The following PARD3B variants were observed in gnomAD, a reference collection of about 807,000 sequenced individuals.
The protein encoded by PARD3B is par-3 family cell polarity regulator beta.
PARD3B carries 103 observed loss-of-function variants against 130.2 expected under a neutral mutation model. That is an observed-to-expected ratio of 0.79 (90% CI 0.67 to 0.93). PARD3B has a LOEUF of 0.93. Among genes scored for constraint, PARD3B ranks in the 40% least tolerant of loss-of-function variants. The pLI is 0.00. For missense variants in PARD3B, 1,609 were observed against 1,499.2 expected (o/e 1.07, Z -1.21); for synonymous variants, 583 against 553.2 (o/e 1.05, Z -0.76).
chr2:205,083,595 G>A lies in PARD3B; in HGVS notation c.505-20831G>A, dbSNP rs1701565219. 1.3e-5 allele frequency among the ~76,000 whole-genome samples: 2 copies of A among 150,068 alleles called. 1 individual carries two copies. Among genetic ancestry groups the A allele is most frequent in the Admixed American group, 1.3e-4 (2 of 15,128 alleles). On this transcript the variant is annotated intron_variant, in intron 4 of 22. Coordinates refer to ENST00000406610, the MANE Select transcript of PARD3B (RefSeq NM_001302769.2). ...AGTCTTACCATTGACTTTTCTGTTT[G>A]ATTCTTCTTTTTTTTTTTAGTTTTA...
intron 1 of PARD3B, among the ~76,000 whole-genome samples, chr2:204,624,461 C>G (rs1378639896): frequency 6.6e-6 from 1 of 152,130 alleles, no homozygotes; most frequent in African/African-American, 2.4e-5. Context: ...AATCATACTT[C>G]TGGGTACCTA....
At chr2:205,529,009 C>A (rs1279424168) in intron 21 of PARD3B, among the ~76,000 whole-genome samples, 1 of 152,074 alleles carries the variant, frequency 6.6e-6, no homozygotes, top group Admixed American at 6.6e-5. Context: ...GCTATGGTGG[C>A]ATGACCCTAC....
At chr2:205,173,977 A>T (rs1325740001) in intron 12 of PARD3B, among the ~76,000 whole-genome samples, 1 of 152,226 alleles carries the variant, frequency 6.6e-6, no homozygotes, top group East Asian at 1.9e-4. Flanking sequence ...TTAAACAAAG[A>T]TACCTCAACT....
chr2:205,611,546 G>A (rs1304098776), intron 22 of PARD3B, among the ~76,000 whole-genome samples: 1 of 152,132 alleles, frequency 6.6e-6, no homozygotes, highest in African/African-American at 2.4e-5. Flanking sequence ...AGACTTAATG[G>A]TTAACTTTCT....
At chr2:205,545,143 C>T (rs947986105) in intron 21 of PARD3B, among the ~76,000 whole-genome samples, 4 of 152,118 alleles carry the variant, frequency 2.6e-5, no homozygotes, top group Non-Finnish European at 5.9e-5. Flanking sequence ...TTTGTAAATA[C>T]GTAGCTCAGG....
At chr2:204,592,613 T>C (rs2033124598) in intron 1 of PARD3B, among the ~76,000 whole-genome samples, 1 of 152,252 alleles carries the variant, frequency 6.6e-6, no homozygotes, top group Non-Finnish European at 1.5e-5. Flanking sequence ...ATAACAGCTT[T>C]ATTGGTGTAT....
intron 15 of PARD3B, among the ~76,000 whole-genome samples, chr2:205,227,299 G>T (rs1240332989): frequency 6.6e-6 from 1 of 152,108 alleles, no homozygotes; most frequent in Admixed American, 6.5e-5. Context: ...AGCCATTATT[G>T]TATTGGGATC....
Position 205,263,454 on chromosome 2 carries a change from G to C in PARD3B, c.2185+17632G>C, listed in dbSNP as rs6753078. Among the ~76,000 whole-genome samples, 1,420 of 151,212 alleles carry C rather than the reference G, an allele frequency of 9.4e-3. 45 individuals are homozygous for C. Among genetic ancestry groups the C allele is most frequent in the African/African-American group, 0.033 (1,350 of 41,240 alleles). ...TAGCAAACAGAATGAACATTTTAAA[G>C]TAAAATTCTGTCATTTCACTTCTTA... On this transcript the variant is annotated intron_variant, in intron 16 of 22. Transcript: ENST00000406610. The surrounding 1 kb of genome is among the most constrained non-coding windows in gnomAD (Gnocchi z 4.0).
intron 2 of PARD3B, among the ~76,000 whole-genome samples, chr2:204,714,660 CT>C (rs2038635335): frequency 6.6e-6 from 1 of 152,168 alleles, no homozygotes; most frequent in Non-Finnish European, 1.5e-5. Flanking sequence ...CACATAAGTA[CT>C]CCAGATTATT....
At chr2:205,043,411 T>C (rs1010802683) in intron 3 of PARD3B, among the ~76,000 whole-genome samples, 1 of 152,136 alleles carries the variant, frequency 6.6e-6, no homozygotes, top group East Asian at 1.9e-4. Context: ...TTATGTGCTA[T>C]GTTCACCAAG....
At chr2:204,789,442 T>A (rs1329937508) in intron 2 of PARD3B, among the ~76,000 whole-genome samples, 1 of 152,238 alleles carries the variant, frequency 6.6e-6, no homozygotes. Flanking sequence ...GTAACAATTA[T>A]GTCAACCACA....
intron 22 of PARD3B, among the ~76,000 whole-genome samples, chr2:205,573,269 C>G (rs910676575): frequency 2.6e-5 from 4 of 152,134 alleles, no homozygotes; most frequent in Non-Finnish European, 5.9e-5. Context: ...TGTGAAGGAG[C>G]TGAGCTGACC....
chr2:205,498,754 T>C (rs2050040370), intron 20 of PARD3B, among the ~76,000 whole-genome samples: 1 of 152,230 alleles, frequency 6.6e-6, no homozygotes. Context: ...TGTCTAGCTG[T>C]TGAGCACCTT....
chr2:205,533,692 CAT>C (rs2051704271), intron 21 of PARD3B, among the ~76,000 whole-genome samples: 1 of 152,032 alleles, frequency 6.6e-6, no homozygotes, highest in Admixed American at 6.6e-5. Context: ...TACAAAAAGA[CAT>C]AGATTTTAAC....
Position 205,466,102 on chromosome 2 carries a change from T to C in PARD3B, c.3044+25430T>C, listed in dbSNP as rs545109752. Among the ~76,000 whole-genome samples, 6 of 152,322 alleles carry C rather than the reference T, an allele frequency of 3.9e-5. No individual in the cohort carries two copies. In the East Asian group the frequency reaches 1.2e-3, roughly 29 times the overall value. Reference sequence around the variant, plus strand: ...GATGCCAGGGGTCTGGGATGGGGCCTGAGTTGTGCATTTCTAATAAGCTCC... The same window carrying C: ...GATGCCAGGGGTCTGGGATGGGGCCCGAGTTGTGCATTTCTAATAAGCTCC... On this transcript the variant is annotated intron_variant, in intron 20 of 22. Coordinates refer to ENST00000406610, the MANE Select transcript of PARD3B (RefSeq NM_001302769.2).
At position 205,054,494 on chromosome 2, in the gene PARD3B, G is replaced by A. The variant is rs181258024; in HGVS notation, c.504+6804G>A. Among the ~76,000 whole-genome samples the A allele has an allele frequency of 9.5e-5, 12 of 126,040 alleles. No homozygotes were observed. In the East Asian group the frequency reaches 2.3e-3, roughly 24 times the overall value. 82.7% of individuals were successfully genotyped at this position (126,040 alleles called of 152,430 possible). On this transcript the variant is annotated intron_variant, in intron 4 of 22. Coordinates refer to ENST00000406610, the MANE Select transcript of PARD3B (RefSeq NM_001302769.2). ...AAGTTTTAGGGTATATGTGCACAACGTGCAGGTTTGTTACATATGTATACA... is the reference window on the plus strand; with the variant it reads ...AAGTTTTAGGGTATATGTGCACAACATGCAGGTTTGTTACATATGTATACA...
chr2:205,473,652 A>ATATG lies in PARD3B; in HGVS notation c.3045-26242_3045-26239dup, dbSNP rs2048915903. On this transcript the variant is annotated intron_variant, in intron 20 of 22. Coordinates refer to ENST00000406610, the MANE Select transcript of PARD3B (RefSeq NM_001302769.2). The surrounding 1 kb of genome is among the most constrained non-coding windows in gnomAD (Gnocchi z 4.9). ...TATGTTTCCCAATATAAGGTTATAT[A>ATATG]TATGTGTGTGTGTGTGTGTGTGTGT... 8.2e-6 allele frequency among the ~76,000 whole-genome samples: 1 copy of ATATG among 122,688 alleles called. No homozygotes were observed. The highest frequency in any genetic ancestry group is 1.6e-5 in the Non-Finnish European group (1 of 62,208). 80.5% of individuals were successfully genotyped at this position (122,688 alleles called of 152,430 possible).
intron 1 of PARD3B, among the ~76,000 whole-genome samples, chr2:204,600,890 T>C (rs998695930): frequency 4.6e-5 from 7 of 151,888 alleles, no homozygotes; most frequent in African/African-American, 2.4e-5. Context: ...CTGAGCTAGA[T>C]AGTTGAATCT....
intron 1 of PARD3B, among the ~76,000 whole-genome samples, chr2:204,643,135 A>AAAAAAAAAAAAAAAAAAAAC (rs1357282441): frequency 1.4e-5 from 2 of 147,332 alleles, no homozygotes; most frequent in Non-Finnish European, 3.0e-5. Context: ...AAAAAAAAAA[A>AAAAAAAAAAAAAAAAAAAAC]ATGTTTGGCA....
Sources: allele counts gnomAD v4.1 joint callset (sites outside exome capture counted in the v4.1 genomes callset), GRCh38; gene constraint gnomAD v4.1.1; non-coding constraint Gnocchi (gnomAD v3.1); transcripts MANE v1.5; gene names NCBI Gene and HGNC (gene_info 2026-07-23, HGNC 2026-07-21).